Variants in STK33 observed in about 807,000 individuals in gnomAD.
STK33 encodes serine/threonine kinase 33.
STK33 carries 52 observed loss-of-function variants against 58.0 expected under a neutral mutation model. The ratio of observed to expected loss-of-function variants is 0.90; its 90% CI spans 0.72 to 1.13. The LOEUF is 1.13. Among genes scored for constraint, STK33 ranks in the 50% most tolerant of loss-of-function variants. STK33 has a pLI of 0.00. For missense variants in STK33, 630 were observed against 604.2 expected, an observed-to-expected ratio of 1.04 and a Z score of -0.45; for synonymous variants, 215 against 200.1, an observed-to-expected ratio of 1.07 and a Z score of -0.63.
intron 14 of STK33, among the ~76,000 whole-genome samples, chr11:8,415,320 C>T (rs1019007674): frequency 4.6e-5 from 7 of 152,262 alleles, no homozygotes; most frequent in African/African-American, 1.4e-4. Context: ...ACTCGCCCAG[C>T]ATTTCTTCCT....
chr11:8,588,163 T>C (rs10769918), intron 1 of STK33, among the ~76,000 whole-genome samples: 83,522 of 151,920 alleles, frequency 0.55, 23,335 homozygotes, highest in African/African-American at 0.64. Flanking sequence ...GACCTAATTA[T>C]CTTTCAAATG....
At position 8,470,716 on chromosome 11, in the gene STK33, C is replaced by A. The variant is rs769748635; in HGVS notation, c.339+2447G>T. Among the ~76,000 whole-genome samples the A allele has an allele frequency of 3.2e-4, 49 of 152,188 alleles. 1 individual carries two copies. Among genetic ancestry groups the A allele is most frequent in the East Asian group, 2.5e-3 (13 of 5,176 alleles). Reference sequence around the variant, plus strand: ...AATTGTCCTAATTTTAATATTGTCTCTCAGGGACTAGGAAGGGCCAAGGAG... The same window carrying A: ...AATTGTCCTAATTTTAATATTGTCTATCAGGGACTAGGAAGGGCCAAGGAG... On this transcript the variant is annotated intron_variant, in intron 6 of 15. Transcript: ENST00000687296.
chr11:8,562,221 C>T (rs975998475), intron 1 of STK33, among the ~76,000 whole-genome samples: 11 of 152,144 alleles, frequency 7.2e-5, no homozygotes, highest in Non-Finnish European at 5.9e-5. Flanking sequence ...ATTAGTTATT[C>T]ATTTATGTTC....
chr11:8,430,217 T>C (rs1943255450), intron 14 of STK33, among the ~76,000 whole-genome samples: 1 of 152,212 alleles, frequency 6.6e-6, no homozygotes, highest in South Asian at 2.1e-4. Flanking sequence ...GAACTACAAA[T>C]TATTCTCTGA....
intron 5 of STK33, among the ~76,000 whole-genome samples, chr11:8,474,175 CAA>C (rs879623653): frequency 3.0e-5 from 4 of 134,664 alleles, no homozygotes. Flanking sequence ...AACTCCAATT[CAA>C]AAAAAAAAAA....
intron 1 of STK33, among the ~76,000 whole-genome samples, chr11:8,589,380 A>T (rs2032232542): frequency 6.6e-6 from 1 of 152,194 alleles, no homozygotes; most frequent in Non-Finnish European, 1.5e-5. Flanking sequence ...CTTTGAAAAC[A>T]TCATGCTAAG....
At chr11:8,484,547 C>T (rs561449253) in intron 1 of STK33, among the ~76,000 whole-genome samples, 259 of 152,214 alleles carry the variant, frequency 1.7e-3, no homozygotes, top group Non-Finnish European at 2.9e-3. Context: ...ACTTGTCATG[C>T]TAAATTCTGA....
intron 9 of STK33, among the ~76,000 whole-genome samples, chr11:8,456,498 G>A (rs1300304103): frequency 6.6e-6 from 1 of 152,190 alleles, no homozygotes; most frequent in Non-Finnish European, 1.5e-5. Context: ...TCTCAATGCA[G>A]TAGGTGCTCG....
the STK33 span, among the ~76,000 whole-genome samples, chr11:8,354,606 C>T: frequency 6.6e-6 from 1 of 151,956 alleles, no homozygotes; most frequent in Admixed American, 6.5e-5. Flanking sequence ...ACATCCTCTC[C>T]CAGAAACCAT....
chr11:8,361,762 G>C, the STK33 span, among the ~76,000 whole-genome samples: 1 of 152,232 alleles, frequency 6.6e-6, no homozygotes, highest in Non-Finnish European at 1.5e-5. This position sits in a 1 kb window ranked among gnomAD's most constrained non-coding sequence, Gnocchi z 4.8. Flanking sequence ...GGTCAGGACA[G>C]GATGGCAGGA....
Position 8,419,637 on chromosome 11 carries a change from A to G in STK33, c.1147-5945T>C, listed in dbSNP as rs78415038. On this transcript the variant is annotated intron_variant, in intron 14 of 15. Coordinates refer to ENST00000687296, the MANE Select transcript of STK33 (RefSeq NM_001352389.2). ...TGCAAAGAATGTCACTGGTAATTTGATAGGCATAGCAGTGAATCTGTAAAC... is the reference window on the plus strand; with the variant it reads ...TGCAAAGAATGTCACTGGTAATTTGGTAGGCATAGCAGTGAATCTGTAAAC... 2.2e-3 allele frequency among the ~76,000 whole-genome samples: 340 copies of G among 152,304 alleles called. 2 individuals are homozygous for G. The highest frequency in any genetic ancestry group is 7.8e-3 in the African/African-American group (325 of 41,566).
downstream of STK33, among the ~76,000 whole-genome samples, chr11:8,387,435 C>G (rs1432063858): frequency 6.6e-6 from 1 of 152,190 alleles, no homozygotes; most frequent in Non-Finnish European, 1.5e-5. Flanking sequence ...GACATTAAGA[C>G]CTTGGTTCTT....
chr11:8,576,150 G>A (rs2141241339), intron 1 of STK33, among the ~76,000 whole-genome samples: 1 of 152,270 alleles, frequency 6.6e-6, no homozygotes, highest in Non-Finnish European at 1.5e-5. Context: ...CTTCTAAAAA[G>A]AGGACTGAAT....
chr11:8,555,257 G>C (rs568439298), intron 1 of STK33: 1 of 152,368 alleles, frequency 6.6e-6, no homozygotes, highest in Non-Finnish European at 1.5e-5. Flanking sequence ...GAGGGGAATA[G>C]GAGGGAAGGA....
intron 1 of STK33, among the ~76,000 whole-genome samples, chr11:8,514,970 A>G (rs1952645969): frequency 6.6e-6 from 1 of 152,214 alleles, no homozygotes; most frequent in African/African-American, 2.4e-5. Flanking sequence ...AAATGAACAA[A>G]AGGACATTAA....
At chr11:8,395,993 A>C (rs1343774329) in intron 15 of STK33, among the ~76,000 whole-genome samples, 1 of 152,174 alleles carries the variant, frequency 6.6e-6, no homozygotes, top group Non-Finnish European at 1.5e-5. Context: ...TCCATATTTT[A>C]ATTGAGCTCC....
intron 11 of STK33, among the ~76,000 whole-genome samples, chr11:8,440,966 A>G (rs370867391): frequency 2.0e-5 from 3 of 152,220 alleles, no homozygotes; most frequent in African/African-American, 7.2e-5. Context: ...TAATGGAACA[A>G]TGGTGTAAAC....
At chr11:8,447,588 G>T (rs927208453) in intron 11 of STK33, among the ~76,000 whole-genome samples, 1 of 151,964 alleles carries the variant, frequency 6.6e-6, no homozygotes, top group Admixed American at 6.6e-5. Flanking sequence ...ATTCAACAAT[G>T]CTTCATGCTA....
chr11:8,490,877 G>A (rs940740931), intron 1 of STK33, among the ~76,000 whole-genome samples: 7 of 152,096 alleles, frequency 4.6e-5, no homozygotes, highest in Admixed American at 1.3e-4. Context: ...ACCAACAAAC[G>A]GAAAGGAATA....
Sources: allele counts gnomAD v4.1 joint callset (sites outside exome capture counted in the v4.1 genomes callset), GRCh38; gene constraint gnomAD v4.1.1; non-coding constraint Gnocchi (gnomAD v3.1); transcripts MANE v1.5; gene names NCBI Gene and HGNC (gene_info 2026-07-23, HGNC 2026-07-21).